The following USP4 variants were observed in gnomAD, a reference collection of about 807,000 sequenced individuals.
The protein encoded by USP4 is ubiquitin specific peptidase 4, also known as ubiquitin carboxyl-terminal hydrolase 4.
In USP4, 72 loss-of-function variants were observed where a neutral mutation model predicts 118.2. The observed-to-expected ratio is 0.61, with a 90% CI of 0.50 to 0.74. The LOEUF is 0.74. Ranked by LOEUF, USP4 falls within the 30% of genes least tolerant of loss-of-function variation. The probability of loss-of-function intolerance (pLI) is 0.00; values close to 1 mark genes in which losing one functional copy is unlikely to be tolerated. For synonymous variants in USP4, 415 were observed against 440.4 expected, an observed-to-expected ratio of 0.94 and a Z score of 0.72; for missense variants, 1,037 against 1,185.7, an observed-to-expected ratio of 0.87 and a Z score of 1.84.
chr3:49,295,063 G>A (rs1336105910), intron 13 of USP4, among the ~76,000 whole-genome samples: 13 of 152,056 alleles, frequency 8.5e-5, no homozygotes, highest in Admixed American at 8.5e-4. Flanking sequence ...GCCAAGGCGG[G>A]CGGATCACGA....
intron 9 of USP4, among the ~76,000 whole-genome samples, chr3:49,304,477 T>G (rs1160074874): frequency 6.6e-6 from 1 of 152,062 alleles, no homozygotes; most frequent in Non-Finnish European, 1.5e-5. Context: ...CACATCACCT[T>G]CCAAGAATGT....
At chr3:49,336,150 C>G (rs1353758928) in intron 1 of USP4, among the ~76,000 whole-genome samples, 1 of 139,388 alleles carries the variant, frequency 7.2e-6, no homozygotes, top group Non-Finnish European at 1.5e-5. Flanking sequence ...AGGCATGAGC[C>G]ACTGCACCTG....
intron 13 of USP4, among the ~76,000 whole-genome samples, chr3:49,297,573 AT>A (rs1463786114): frequency 2.0e-5 from 3 of 151,564 alleles, no homozygotes; most frequent in Non-Finnish European, 4.4e-5. Context: ...GGCATCTCTG[AT>A]GGTAGGACCA....
At chr3:49,307,150 T>A (rs2047327224) in intron 8 of USP4, among the ~76,000 whole-genome samples, 1 of 152,106 alleles carries the variant, frequency 6.6e-6, no homozygotes, top group Non-Finnish European at 1.5e-5. Context: ...ACAAAAAAAT[T>A]CAAAGTTAGA....
intron 6 of USP4, among the ~76,000 whole-genome samples, chr3:49,318,071 G>A (rs1410298910): frequency 2.7e-5 from 4 of 145,668 alleles, no homozygotes; most frequent in African/African-American, 5.1e-5. Flanking sequence ...CCTGACCTTA[G>A]GTGATCCGCC....
chr3:49,327,932 TG>T (rs1379430253), intron 2 of USP4, 116 bp from the exon 3 acceptor site: 3 of 1,067,386 alleles, frequency 2.8e-6, no homozygotes, highest in African/African-American at 3.2e-5. Context: ...GAAACAGGAA[TG>T]AAATTCCAAA....
chr3:49,281,397 A>G (rs912987592), intron 19 of USP4, among the ~76,000 whole-genome samples: 1 of 151,590 alleles, frequency 6.6e-6, no homozygotes, highest in African/African-American at 2.4e-5. Flanking sequence ...TGGAGCTTGC[A>G]GTGAGCCAAG....
chr3:49,317,160 A>C, intron 6 of USP4: 1 of 1,439,066 alleles, frequency 6.9e-7, no homozygotes, highest in East Asian at 2.3e-5. Flanking sequence ...TCTTCAGGAC[A>C]CTGAGCAAAG....
At chr3:49,338,044 CAAAAAAAAAAA>C (rs57186354) in intron 1 of USP4, among the ~76,000 whole-genome samples, 6 of 52,080 alleles carry the variant, frequency 1.2e-4, no homozygotes, top group Non-Finnish European at 2.0e-4. Context: ...GACTTCGTCT[CAAAAAAAAAAA>C]AAAAAAAAAA....
chr3:49,334,769 G>A (rs1487547385), intron 2 of USP4, among the ~76,000 whole-genome samples: 1 of 152,018 alleles, frequency 6.6e-6, no homozygotes, highest in Non-Finnish European at 1.5e-5. Flanking sequence ...CACCTGCCTT[G>A]GCCTCCCAAA....
At chr3:49,317,175 G>A (rs955218787) in intron 6 of USP4, 2 of 1,467,958 alleles carry the variant, frequency 1.4e-6, no homozygotes, top group Non-Finnish European at 1.9e-6. Context: ...GCAAAGTCTG[G>A]GAGCTCTCCA....
intron 3 of USP4, among the ~76,000 whole-genome samples, chr3:49,327,325 C>A (rs2047566740): frequency 6.6e-6 from 1 of 152,062 alleles, no homozygotes; most frequent in Non-Finnish European, 1.5e-5. Flanking sequence ...ATCACAAGGT[C>A]AAGAGTTTGA....
rs746850939 is a variant in USP4, at chr3:49,278,367, C to G, written c.2818G>C (p.Asp940His). The G allele has an allele frequency of 6.2e-7, 1 of 1,614,120 alleles. No individual in the cohort carries two copies. Among genetic ancestry groups the G allele is most frequent in the Non-Finnish European group, 8.5e-7 (1 of 1,180,038 alleles). The change falls in exon 22 of 22, where the codon GAT becomes CAT. Residue 940 changes from aspartate to histidine, a missense_variant. Physicochemically the swap from Asp to His is moderately conservative, Grantham distance 81. This residue lies in a region of USP4 where 522 missense variants were observed against 592.6 expected (regional missense o/e 0.88). Transcript: ENST00000265560. The part of the protein sequence containing the change: ...TPSLSSSGSS[D>H]GGTRPSSSQQ... ...GAGCTGCTTGGTCGTGTCCCTCCAT[C>G]AGAGGAACCAGAACTGCTAAGTGAA...
intron 20 of USP4, among the ~76,000 whole-genome samples, chr3:49,280,422 G>A (rs1297606285): frequency 3.3e-5 from 5 of 151,942 alleles, no homozygotes; most frequent in African/African-American, 7.2e-5. Flanking sequence ...TTAGCCAGGC[G>A]TGGTGGCGGG....
At chr3:49,281,481 TATATATATATAC>T (rs1203422402) in intron 19 of USP4, among the ~76,000 whole-genome samples, 5 of 94,680 alleles carry the variant, frequency 5.3e-5, no homozygotes, top group Non-Finnish European at 1.1e-4. Flanking sequence ...TATGTGTATA[TATATATATATAC>T]ACACACACAC....
At chr3:49,279,629 CAG>C (rs1385310317) in intron 20 of USP4, among the ~76,000 whole-genome samples, 1 of 152,130 alleles carries the variant, frequency 6.6e-6, no homozygotes, top group African/African-American at 2.4e-5. Flanking sequence ...CCCAGACTCT[CAG>C]AAACTACAGA....
At chr3:49,324,617 T>C (rs776502267) in intron 6 of USP4, 85 bp downstream of exon 6, 23 of 1,283,476 alleles carry the variant, frequency 1.8e-5, no homozygotes, top group Non-Finnish European at 2.5e-5. Context: ...ATCAGAACAA[T>C]TTTTCTTAGT....
chr3:49,307,779 CACAAAACAAA>C lies in USP4; in HGVS notation c.955-1901_955-1892del, dbSNP rs201730475. On this transcript the variant is annotated intron_variant, in intron 8 of 21. Coordinates refer to ENST00000265560, the MANE Select transcript of USP4 (RefSeq NM_003363.4). ...GGCATCATAAGTGAGACCCCGTTTC[CACAAAACAAA>C]ACAAAACAAAACAAAACAAACAAAC... Among the ~76,000 whole-genome samples the C allele has an allele frequency of 9.2e-3, 1,389 of 151,722 alleles. 23 individuals are homozygous for C. The highest frequency in any genetic ancestry group is 0.032 in the African/African-American group (1,330 of 41,346).
rs1289360795 is a variant in USP4 at position 49,283,997 on chromosome 3, A to G, written c.2530T>C (p.Phe844Leu). The change falls in exon 19 of 22, where the codon TTC becomes CTC. Residue 844 changes from phenylalanine to leucine, a missense_variant. By Grantham distance (22) the Phe-to-Leu change is conservative. Transcript: ENST00000265560. ...GTCACCATGACCCACCTGATTGGGA[A>G]TTCTACGACTGTGTCGAGCTTATCC... ...WRDKLDTVVE[F>L]PIRGLNMSEF... 1.9e-6 allele frequency: 3 copies of G among 1,614,222 alleles called. No individual in the cohort carries two copies. In the South Asian group the frequency reaches 3.3e-5, roughly 18 times the overall value.
Sources: gnomAD v4.1 joint callset for allele counts (sites outside exome capture counted in the v4.1 genomes callset) on GRCh38, gnomAD v4.1.1 for gene constraint, gnomAD v4.1.1 regional missense constraint, MANE v1.5 for transcripts, NCBI Gene and HGNC (gene_info 2026-07-23, HGNC 2026-07-21) for gene names.